The following BRF1 variants were observed in gnomAD, a reference collection of about 807,000 sequenced individuals.
The protein encoded by BRF1 is BRF1 general transcription factor IIIB subunit.
In BRF1, 59 loss-of-function variants were observed where a neutral mutation model predicts 81.7. The observed-to-expected ratio is 0.72, with a 90% CI of 0.59 to 0.90. The LOEUF (loss-of-function observed/expected upper bound fraction) is 0.90. Ranked by LOEUF, BRF1 falls within the 40% of genes least tolerant of loss-of-function variation. The probability of loss-of-function intolerance (pLI) is 0.00; values close to 1 mark genes in which losing one functional copy is unlikely to be tolerated. For synonymous variants in BRF1, 491 were observed against 395.6 expected (o/e 1.24, Z -2.86); for missense variants, 1,050 against 936.3 (o/e 1.12, Z -1.58).
intron 7 of BRF1, chr14:105,227,824 T>A (rs1027085686): frequency 6.6e-6 from 1 of 152,184 alleles, no homozygotes; most frequent in African/African-American, 2.4e-5. Context: ...ATGTTTAAAG[T>A]GAAATACTTT....
intron 1 of BRF1, among the ~76,000 whole-genome samples, chr14:105,306,853 G>A (rs902883387): frequency 9.2e-5 from 14 of 151,584 alleles, no homozygotes; most frequent in African/African-American, 3.4e-4. Context: ...TGATCCATCT[G>A]CCTTGGCCTC....
At chr14:105,279,615 G>C (rs906070756) in intron 2 of BRF1, among the ~76,000 whole-genome samples, 1 of 152,172 alleles carries the variant, frequency 6.6e-6, no homozygotes. Context: ...GTGGGAACAT[G>C]AACTGGTACA....
chr14:105,241,136 C>T (rs1007450933), intron 6 of BRF1, 129 bp downstream of exon 6: 3 of 1,449,072 alleles, frequency 2.1e-6, no homozygotes, highest in Admixed American at 4.1e-5. Flanking sequence ...CAGAGTCAGC[C>T]CCGGGAGGCT....
intron 6 of BRF1, 56 bp downstream of exon 6, chr14:105,241,209 A>T: frequency 6.3e-7 from 1 of 1,592,962 alleles, no homozygotes; most frequent in Non-Finnish European, 8.5e-7. Context: ...GGAGTCAGGA[A>T]AGTGTGAGGC....
chr14:105,268,907 A>G (rs954100345), intron 3 of BRF1, among the ~76,000 whole-genome samples: 3 of 152,138 alleles, frequency 2.0e-5, no homozygotes, highest in Admixed American at 6.6e-5. Flanking sequence ...GCCTGGCTGC[A>G]CACACCCTCT....
intron 3 of BRF1, among the ~76,000 whole-genome samples, chr14:105,261,819 C>T (rs1006774942): frequency 3.3e-5 from 5 of 152,190 alleles, no homozygotes; most frequent in East Asian, 1.9e-4. Context: ...AGGGGGACTG[C>T]GGCGCCCACA....
At chr14:105,226,027 C>G in intron 10 of BRF1, 42 bp downstream of exon 10, 1 of 1,541,850 alleles carries the variant, frequency 6.5e-7, no homozygotes, top group Non-Finnish European at 8.9e-7. Context: ...GACTCTAGCA[C>G]ATTTTAAAGG....
rs987195431 is a variant in BRF1, at chr14:105,210,903, G to A, written c.1996+219C>T. Among the ~76,000 whole-genome samples, 4 of 152,158 alleles carry A rather than the reference G, an allele frequency of 2.6e-5. No homozygotes were observed. The highest frequency in any genetic ancestry group is 2.6e-4 in the Admixed American group (4 of 15,274). ...TCGTGCTGCTGGCTGGGCGGCCCTC[G>A]TGGTGGGTACCTCACCGTCCCTAGC... On this transcript the variant is annotated intron_variant, in intron 17 of 17. Coordinates refer to ENST00000547530, the MANE Select transcript of BRF1 (RefSeq NM_001519.4). This position sits in a 1 kb window ranked among gnomAD's most constrained non-coding sequence, Gnocchi z 4.7.
At chr14:105,253,902 G>A (rs2055740990) in intron 4 of BRF1, among the ~76,000 whole-genome samples, 1 of 152,260 alleles carries the variant, frequency 6.6e-6, no homozygotes, top group African/African-American at 2.4e-5. Flanking sequence ...TGTAGTGTGT[G>A]TGTGCATCCG....
At chr14:105,244,995 T>G (rs968290678) in intron 5 of BRF1, among the ~76,000 whole-genome samples, 1 of 151,802 alleles carries the variant, frequency 6.6e-6, no homozygotes, top group Non-Finnish European at 1.5e-5. Flanking sequence ...TCCCCTCACC[T>G]CCAAACGCTG....
At chr14:105,248,454 A>AAGCTCGAGCAGC (rs1884819355) in intron 5 of BRF1, 1 of 985,044 alleles carries the variant, frequency 1.0e-6, no homozygotes, top group Admixed American at 6.2e-5. Flanking sequence ...TGCTGGGCAG[A>AAGCTCGAGCAGC]AGCTCGAGCA....
intron 5 of BRF1, chr14:105,249,172 C>A: frequency 6.3e-7 from 1 of 1,584,128 alleles, no homozygotes; most frequent in Non-Finnish European, 8.5e-7. Context: ...CGCTCATGTT[C>A]AACAACGAGC....
intron 6 of BRF1, 27 bp downstream of exon 6, chr14:105,241,238 C>T (rs774888527): frequency 9.3e-6 from 15 of 1,606,414 alleles, no homozygotes; most frequent in South Asian, 3.3e-5. Context: ...AGACCAGCAT[C>T]CCCCAGGCAG....
chr14:105,302,080 A>G (rs1286223011), upstream of BRF1, among the ~76,000 whole-genome samples: 3 of 151,834 alleles, frequency 2.0e-5, no homozygotes, highest in Non-Finnish European at 4.4e-5. Context: ...TGGAGGTTGC[A>G]GTGAGCTGAG....
chr14:105,292,637 C>T (rs4572314), intron 1 of BRF1, among the ~76,000 whole-genome samples: 5,438 of 152,252 alleles, frequency 0.036, 178 homozygotes, highest in African/African-American at 0.086. Context: ...CGCAGTGCAT[C>T]CCTGAGAGCT....
chr14:105,213,516 A>C (rs1890511537), intron 15 of BRF1: 1 of 151,432 alleles, frequency 6.6e-6, no homozygotes, highest in African/African-American at 2.4e-5. Flanking sequence ...AGTTTCTTTG[A>C]CTTTGGCAGA....
chr14:105,285,362 T>C (rs1180963597), intron 2 of BRF1, among the ~76,000 whole-genome samples: 1 of 152,166 alleles, frequency 6.6e-6, no homozygotes, highest in African/African-American at 2.4e-5. Flanking sequence ...AGCTTTTAGG[T>C]TTACGGTCAA....
chr14:105,210,679 G>C lies in BRF1; in HGVS notation c.1997-91C>G. 1 of 1,431,898 alleles carries C rather than the reference G, an allele frequency of 7.0e-7. No homozygotes were observed. Among genetic ancestry groups the C allele is most frequent in the Non-Finnish European group, 9.5e-7 (1 of 1,048,832 alleles). The allele number at this position is 1,431,898 out of a possible 1,614,324, so 88.7% of individuals were successfully genotyped here. Reference sequence around the variant, plus strand: ...CCGCCCTGTTCCTGGTGCCCCCCTAGAAGACTCAGGCTCCAGCCCCAGCCC... The same window carrying C: ...CCGCCCTGTTCCTGGTGCCCCCCTACAAGACTCAGGCTCCAGCCCCAGCCC... On this transcript the variant is annotated intron_variant, in intron 17 of 17. Transcript: ENST00000547530. This position sits in a 1 kb window ranked among gnomAD's most constrained non-coding sequence, Gnocchi z 4.7.
At chr14:105,300,287 C>A (rs1171838286) in intron 1 of BRF1, among the ~76,000 whole-genome samples, 159 bp downstream of exon 1, 1 of 152,116 alleles carries the variant, frequency 6.6e-6, no homozygotes, top group Non-Finnish European at 1.5e-5. Flanking sequence ...GGTCTACATT[C>A]TCGCCAAGGG....
Sources: allele counts gnomAD v4.1 joint callset (sites outside exome capture counted in the v4.1 genomes callset), GRCh38; gene constraint gnomAD v4.1.1; non-coding constraint Gnocchi (gnomAD v3.1); transcripts MANE v1.5; gene names NCBI Gene and HGNC (gene_info 2026-07-23, HGNC 2026-07-21).